The following WIPF1 variants were observed in gnomAD, a reference collection of about 807,000 sequenced individuals.
WIPF1 encodes the protein WAS/WASL-interacting protein family member 1.
A neutral mutation model predicts 35.4 loss-of-function variants in WIPF1; 13 were observed. The ratio of observed to expected loss-of-function variants is 0.37; its 90% CI spans 0.24 to 0.58. The LOEUF (loss-of-function observed/expected upper bound fraction) is 0.58. Among genes scored for constraint, WIPF1 ranks in the 20% least tolerant of loss-of-function variants. The pLI is 0.74. For missense variants in WIPF1, 591 were observed against 667.0 expected (o/e 0.89, Z 1.25); for synonymous variants, 267 against 266.3 (o/e 1.00, Z -0.02).
intron 1 of WIPF1, among the ~76,000 whole-genome samples, chr2:174,642,815 C>A (rs539265492): frequency 6.7e-6 from 1 of 149,268 alleles, no homozygotes; most frequent in East Asian, 1.9e-4. Flanking sequence ...GCACCTGGCA[C>A]CTCCTCCACG....
chr2:174,582,405 G>A (rs1685269513), intron 2 of WIPF1, among the ~76,000 whole-genome samples: 1 of 152,166 alleles, frequency 6.6e-6, no homozygotes, highest in Non-Finnish European at 1.5e-5. Context: ...GTCTCAGGGA[G>A]AGTCTGGCTG....
chr2:174,605,850 A>T (rs75098597), intron 1 of WIPF1, among the ~76,000 whole-genome samples: 3 of 148,112 alleles, frequency 2.0e-5, no homozygotes, highest in East Asian at 1.9e-4. Flanking sequence ...AAAAAGCATT[A>T]AAAAAAAAAG....
upstream of WIPF1, among the ~76,000 whole-genome samples, chr2:174,598,475 CTAAT>C (rs920626426): frequency 6.6e-6 from 1 of 152,076 alleles, no homozygotes; most frequent in African/African-American, 2.4e-5. Flanking sequence ...CTGCACCTGG[CTAAT>C]TTATTTTATT....
chr2:174,578,888 G>A (rs888890003), intron 3 of WIPF1, among the ~76,000 whole-genome samples: 3 of 152,032 alleles, frequency 2.0e-5, no homozygotes, highest in Admixed American at 6.6e-5. Flanking sequence ...TATTAACATC[G>A]CCCTTGTCAT....
intron 3 of WIPF1, among the ~76,000 whole-genome samples, chr2:174,580,226 C>T (rs1685191406): frequency 6.6e-6 from 1 of 152,198 alleles, no homozygotes; most frequent in Non-Finnish European, 1.5e-5. Context: ...GCTGGAATTA[C>T]AGGTGCGAGC....
chr2:174,613,173 G>A (rs531105547), intron 1 of WIPF1, among the ~76,000 whole-genome samples: 1 of 152,316 alleles, frequency 6.6e-6, no homozygotes, highest in Admixed American at 6.5e-5. Context: ...CTAAGGTACA[G>A]AAAACAGCAG....
At position 174,610,061 on chromosome 2, in the gene WIPF1, G is replaced by A. The variant is rs112632462; in HGVS notation, c.-38-24450C>T. Among the ~76,000 whole-genome samples the A allele has an allele frequency of 5.5e-4, 84 of 152,270 alleles. 1 individual carries two copies. Among genetic ancestry groups the A allele is most frequent in the African/African-American group, 1.9e-3 (79 of 41,550 alleles). The stretch of plus-strand genomic sequence containing the variant: ...TCCCTCCTCTCATTCAGCTTCTCTG[G>A]ATTCTTCAAATGACTGACTGGGGAA... On this transcript the variant is annotated intron_variant, in intron 1 of 8. Coordinates refer to the WIPF1 transcript ENST00000272746.
At position 174,571,565 on chromosome 2, in the gene WIPF1, A is replaced by T; in HGVS notation, c.1129+111T>A. On this transcript the variant is annotated intron_variant, in intron 5 of 7. Transcript: ENST00000679041. This position sits in a 1 kb window ranked among gnomAD's most constrained non-coding sequence, Gnocchi z 4.6. ...CGTGTGCCACTTAAAAGCACAAAGCAGTCTGAGTTTACTTATGCCTGCTTT... is the reference window on the plus strand; with the variant it reads ...CGTGTGCCACTTAAAAGCACAAAGCTGTCTGAGTTTACTTATGCCTGCTTT... The T allele has an allele frequency of 1.4e-6, 2 of 1,452,292 alleles. No individual in the cohort carries two copies. Among genetic ancestry groups the T allele is most frequent in the Non-Finnish European group, 1.9e-6 (2 of 1,033,258 alleles). The allele number at this position is 1,452,292 out of a possible 1,614,324, so 90.0% of individuals were successfully genotyped here. A position where few individuals can be genotyped will look rare whatever the true frequency, so the allele number is the denominator to read the frequency against.
chr2:174,585,906 A>G (rs73973314), intron 1 of WIPF1, among the ~76,000 whole-genome samples: 2 of 152,242 alleles, frequency 1.3e-5, no homozygotes, highest in African/African-American at 2.4e-5. Flanking sequence ...GTTAAGCAGG[A>G]AGGTCTCACA....
intron 7 of WIPF1, chr2:174,566,855 C>T: frequency 2.1e-6 from 1 of 473,998 alleles, no homozygotes. Context: ...GTATTTTGAG[C>T]TTGTAATGAC....
At position 174,559,605 on chromosome 2, in the gene WIPF1, T is replaced by C. The variant is rs1438461612; in HGVS notation, c.*2942A>G. 1 of 152,190 alleles carries C rather than the reference T, an allele frequency of 6.6e-6. No homozygotes were observed. The highest frequency in any genetic ancestry group is 1.9e-4 in the East Asian group (1 of 5,200). 9.4% of individuals were successfully genotyped at this position (152,190 alleles called of 1,614,324 possible). ...TGCTTTTCTTTATTGTCTGGCTAAC[T>C]TACAAAGATGCAGATGTCTAGGGTA... On this transcript the variant is annotated 3_prime_UTR_variant, in exon 8 of 8. Coordinates refer to ENST00000679041, the MANE Select transcript of WIPF1 (RefSeq NM_001375834.1).
At chr2:174,666,854 C>T (rs752994974) in intron 1 of WIPF1, among the ~76,000 whole-genome samples, 4 of 152,244 alleles carry the variant, frequency 2.6e-5, no homozygotes, top group African/African-American at 4.8e-5. Context: ...TCAGAAACTT[C>T]TCAATTTGAA....
chr2:174,669,048 A>G (rs192860762), intron 1 of WIPF1, among the ~76,000 whole-genome samples: 48 of 152,378 alleles, frequency 3.2e-4, no homozygotes, highest in African/African-American at 1.1e-3. Context: ...AAGTTCATTC[A>G]GAGCATTTAG....
intron 1 of WIPF1, among the ~76,000 whole-genome samples, chr2:174,635,153 T>C (rs944508804): frequency 7.2e-5 from 11 of 152,226 alleles, no homozygotes; most frequent in African/African-American, 2.7e-4. Context: ...AGTTCACATG[T>C]GGTCATGCTG....
chr2:174,592,973 T>G (rs949753953), intron 1 of WIPF1, among the ~76,000 whole-genome samples: 28 of 152,220 alleles, frequency 1.8e-4, no homozygotes, highest in African/African-American at 2.4e-4. Context: ...TTGAGTGCTT[T>G]TGGCATCTTC....
In WIPF1 at chr2:174,612,501, T is replaced by G. The variant is rs1171226507; in HGVS notation, c.-38-26890A>C. ...TCCTATTATAATTAATATACTTGCATCTGAATGTTTTGTAATCATTTTATA... is the reference window on the plus strand; with the variant it reads ...TCCTATTATAATTAATATACTTGCAGCTGAATGTTTTGTAATCATTTTATA... On this transcript the variant is annotated intron_variant, in intron 1 of 8. Transcript: ENST00000272746. Among the ~76,000 whole-genome samples, 4 of 152,312 alleles carry G rather than the reference T, an allele frequency of 2.6e-5. No homozygotes were observed. The South Asian group carries it at 8.3e-4, about 32-fold the overall frequency.
chr2:174,639,925 T>C (rs1404664383), intron 1 of WIPF1, among the ~76,000 whole-genome samples: 2 of 152,152 alleles, frequency 1.3e-5, no homozygotes, highest in African/African-American at 4.8e-5. Flanking sequence ...CTTCTGCATG[T>C]CCTATCTAAA....
intron 1 of WIPF1, among the ~76,000 whole-genome samples, chr2:174,619,970 T>A (rs990151134): frequency 1.3e-5 from 2 of 152,002 alleles, no homozygotes; most frequent in African/African-American, 4.8e-5. Flanking sequence ...GAAATCTCCA[T>A]TCACCATACC....
intron 1 of WIPF1, among the ~76,000 whole-genome samples, chr2:174,589,326 T>C (rs1173353254): frequency 6.6e-6 from 1 of 152,246 alleles, no homozygotes; most frequent in African/African-American, 2.4e-5. Context: ...GCTCCCAGCA[T>C]CACCCCACCG....
Sources: gnomAD v4.1 joint callset for allele counts (sites outside exome capture counted in the v4.1 genomes callset) on GRCh38, gnomAD v4.1.1 for gene constraint, Gnocchi (gnomAD v3.1) non-coding constraint, MANE v1.5 for transcripts, NCBI Gene and HGNC (gene_info 2026-07-23, HGNC 2026-07-21) for gene names.